KTN1: variants seen among roughly 807,000 people sequenced by gnomAD.
The protein encoded by KTN1 is kinectin.
KTN1 carries 130 observed loss-of-function variants against 222.5 expected under a neutral mutation model. The ratio of observed to expected loss-of-function variants is 0.58; its 90% confidence interval spans 0.51 to 0.68. KTN1 has a LOEUF of 0.68. Ranked by LOEUF, KTN1 falls within the 30% of genes least tolerant of loss-of-function variation. KTN1 has a pLI of 0.00. For missense variants in KTN1, 1,508 were observed against 1,500.4 expected, an observed-to-expected ratio of 1.01 and a Z score of -0.08; for synonymous variants, 512 against 496.3, an observed-to-expected ratio of 1.03 and a Z score of -0.42.
At chr14:55,628,105 C>A in intron 6 of KTN1, 77 bp downstream of exon 6, 2 of 884,414 alleles carry the variant, frequency 2.3e-6, no homozygotes, top group Non-Finnish European at 3.6e-6. Context: ...TGTCCATAAT[C>A]AGTAGTTTAA....
At chr14:55,648,190 G>T in intron 20 of KTN1, 75 bp downstream of exon 20, 2 of 710,160 alleles carry the variant, frequency 2.8e-6, no homozygotes, top group Admixed American at 3.0e-5. Flanking sequence ...ATTTGTGTAA[G>T]GTTTTTCCCA....
intron 10 of KTN1, among the ~76,000 whole-genome samples, chr14:55,636,997 C>T (rs182494332): frequency 6.3e-4 from 96 of 152,068 alleles, no homozygotes; most frequent in African/African-American, 2.1e-3. Context: ...TAATGGAGTA[C>T]GTGTTATGTG....
At position 55,657,397 on chromosome 14, in the gene KTN1, G is replaced by GTTTTTTTTTTTTTT. The variant is rs35297700; in HGVS notation, c.2893-1148_2893-1135dup. Among the ~76,000 whole-genome samples the GTTTTTTTTTTTTTT allele has an allele frequency of 3.4e-4, 47 of 137,640 alleles. 1 individual carries two copies. The highest frequency in any genetic ancestry group is 1.2e-3 in the African/African-American group (43 of 36,558). The allele number at this position is 137,640 out of a possible 152,430, so 90.3% of individuals were successfully genotyped here. ...CCCACACTTTTTCCACTGAGTTGACGTTTTTTTTTTTTTTACTAATTTGTA... is the reference window on the plus strand; with the variant it reads ...CCCACACTTTTTCCACTGAGTTGACGTTTTTTTTTTTTTTTTTTTTTTTTTTTTACTAATTTGTA... On this transcript the variant is annotated intron_variant, in intron 29 of 43. Transcript: ENST00000395314.
intron 33 of KTN1, among the ~76,000 whole-genome samples, chr14:55,664,260 T>G (rs1163016011): frequency 6.6e-6 from 1 of 152,184 alleles, no homozygotes; most frequent in Non-Finnish European, 1.5e-5. Flanking sequence ...TGGGCTTTGT[T>G]GAGCACAACT....
intron 35 of KTN1, 148 bp downstream of exon 35, chr14:55,670,957 T>G (rs2045390807): frequency 3.8e-6 from 2 of 530,504 alleles, no homozygotes; most frequent in Admixed American, 3.7e-5. Context: ...TTTGTTTAAA[T>G]TTTAGTTGAA....
Position 55,656,146 on chromosome 14 carries a change from CTTAAAA to C in KTN1, c.2892+19_2892+24del, listed in dbSNP as rs749731675. The C allele has an allele frequency of 4.3e-5, 65 of 1,512,450 alleles. No individual in the cohort carries two copies. The highest frequency in any genetic ancestry group is 5.6e-5 in the African/African-American group (4 of 71,540). 93.7% of individuals were successfully genotyped at this position (1,512,450 alleles called of 1,614,324 possible). On this transcript the variant is annotated intron_variant, in intron 29 of 43. Coordinates refer to ENST00000395314, the MANE Select transcript of KTN1 (RefSeq NM_001079521.2). ...CAGCTGTTACAGGTGAATATGGTGA[CTTAAAA>C]TTAATTATTTTGTAAATTATTGTCT...
At chr14:55,591,764 T>G (rs893005865) in intron 1 of KTN1, among the ~76,000 whole-genome samples, 8 of 151,814 alleles carry the variant, frequency 5.3e-5, no homozygotes, top group African/African-American at 1.9e-4. Flanking sequence ...TTAGTAGAGA[T>G]AGGGTTTCTC....
At chr14:55,633,949 G>A (rs1377484767) in intron 8 of KTN1, among the ~76,000 whole-genome samples, 1 of 152,074 alleles carries the variant, frequency 6.6e-6, no homozygotes, top group Non-Finnish European at 1.5e-5. Context: ...GACCAGCCTG[G>A]CCAACGTGGT....
At chr14:55,587,342 G>T (rs939875783) in intron 1 of KTN1, among the ~76,000 whole-genome samples, 3 of 152,122 alleles carry the variant, frequency 2.0e-5, no homozygotes, top group African/African-American at 7.2e-5. Context: ...TTTGAAACAT[G>T]AATTTCAGCA....
At chr14:55,584,177 T>A (rs920227992) in intron 1 of KTN1, among the ~76,000 whole-genome samples, 2 of 152,220 alleles carry the variant, frequency 1.3e-5, no homozygotes, top group Admixed American at 6.5e-5. Context: ...CTTAAGGCCA[T>A]GCAGAATCTG....
intron 1 of KTN1, among the ~76,000 whole-genome samples, chr14:55,593,534 G>C (rs777555225): frequency 2.0e-5 from 3 of 150,406 alleles, no homozygotes; most frequent in Non-Finnish European, 4.4e-5. Flanking sequence ...TAGCTGCTTG[G>C]TTTTTTTTCC....
At chr14:55,587,874 A>G (rs2033346552) in intron 1 of KTN1, among the ~76,000 whole-genome samples, 1 of 152,158 alleles carries the variant, frequency 6.6e-6, no homozygotes, top group Non-Finnish European at 1.5e-5. Flanking sequence ...TTAAGTTTAA[A>G]TTGAATCCTT....
At chr14:55,652,623 T>A (rs561160454) in intron 25 of KTN1, among the ~76,000 whole-genome samples, 4 of 152,244 alleles carry the variant, frequency 2.6e-5, no homozygotes, top group South Asian at 4.2e-4. Context: ...ATGGTCTTGA[T>A]CTCCTGACCT....
chr14:55,675,598 G>A, intron 40 of KTN1: 1 of 363,404 alleles, frequency 2.8e-6, no homozygotes, highest in South Asian at 7.9e-5. Context: ...TTTTGTTTTT[G>A]CATTTGCAGT....
At chr14:55,607,493 C>T (rs10142757) in intron 1 of KTN1, 23 of 152,072 alleles carry the variant, frequency 1.5e-4, no homozygotes, top group Admixed American at 3.3e-4. Flanking sequence ...TTTGAGAAAG[C>T]GGGTCAGTAT....
At chr14:55,650,852 G>A (rs1170732588) in intron 24 of KTN1, among the ~76,000 whole-genome samples, 3 of 152,028 alleles carry the variant, frequency 2.0e-5, no homozygotes, top group African/African-American at 7.2e-5. Context: ...TTATTTTCTA[G>A]AACATTTTTT....
chr14:55,648,934 T>C, intron 21 of KTN1, 64 bp downstream of exon 21: 1 of 1,165,790 alleles, frequency 8.6e-7, no homozygotes, highest in Admixed American at 2.0e-5. Context: ...TTGTTGTTTT[T>C]AAATTAAAAG....
Position 55,657,397 on chromosome 14 carries a change from G to GTT in KTN1, c.2893-1136_2893-1135dup, listed in dbSNP as rs35297700. On this transcript the variant is annotated intron_variant, in intron 29 of 43. Coordinates refer to ENST00000395314, the MANE Select transcript of KTN1 (RefSeq NM_001079521.2). ...CCCACACTTTTTCCACTGAGTTGAC[G>GTT]TTTTTTTTTTTTTTACTAATTTGTA... Among the ~76,000 whole-genome samples the GTT allele has an allele frequency of 3.1e-4, 42 of 137,658 alleles. No individual in the cohort carries two copies. In the South Asian group the frequency reaches 5.6e-3, roughly 18 times the overall value. The allele number at this position is 137,658 out of a possible 152,430, so 90.3% of individuals were successfully genotyped here. A position where few individuals can be genotyped will look rare whatever the true frequency, so the allele number is the denominator to read the frequency against.
At chr14:55,604,228 C>T (rs537675867) in intron 1 of KTN1, among the ~76,000 whole-genome samples, 4 of 152,310 alleles carry the variant, frequency 2.6e-5, no homozygotes, top group African/African-American at 9.6e-5. Flanking sequence ...GTCCTTACTG[C>T]TCTTGCTCAT....
Sources: allele counts gnomAD v4.1 joint callset (sites outside exome capture counted in the v4.1 genomes callset), GRCh38; gene constraint gnomAD v4.1.1; transcripts MANE v1.5; gene names NCBI Gene and HGNC (gene_info 2026-07-23, HGNC 2026-07-21).